Variants in GREM2 observed in about 807,000 individuals in gnomAD.
GREM2 encodes gremlin-2.
In GREM2, 11 loss-of-function variants were observed where a neutral mutation model predicts 14.2. The observed-to-expected ratio is 0.78, with a 90% CI of 0.49 to 1.28. The LOEUF (loss-of-function observed/expected upper bound fraction) is 1.28. Ranked by LOEUF, GREM2 falls within the 50% of genes most tolerant of loss-of-function variation. GREM2 has a pLI of 0.00. For synonymous variants in GREM2, 98 were observed against 97.6 expected, an observed-to-expected ratio of 1.00 and a Z score of -0.02; for missense variants, 210 against 218.5, an observed-to-expected ratio of 0.96 and a Z score of 0.24.
intron 1 of GREM2, among the ~76,000 whole-genome samples, chr1:240,589,422 C>T (rs574714224): frequency 9.9e-5 from 14 of 141,722 alleles, no homozygotes; most frequent in Admixed American, 2.2e-4. Flanking sequence ...GCAACAAAAG[C>T]GAAACTCCAT....
At chr1:240,587,414 C>T (rs950037699) in intron 1 of GREM2, among the ~76,000 whole-genome samples, 1 of 150,656 alleles carries the variant, frequency 6.6e-6, no homozygotes, top group African/African-American at 2.4e-5. Flanking sequence ...CTCACCCTCG[C>T]AGGTTCAAGT....
chr1:240,493,731 A>T (rs1454233398), intron 1 of GREM2, among the ~76,000 whole-genome samples: 1 of 151,694 alleles, frequency 6.6e-6, no homozygotes, highest in Non-Finnish European at 1.5e-5. Context: ...GGATCTCACC[A>T]TGTTACCCAG....
intron 1 of GREM2, among the ~76,000 whole-genome samples, chr1:240,563,076 T>C (rs944629030): frequency 6.6e-6 from 1 of 150,576 alleles, no homozygotes; most frequent in African/African-American, 2.4e-5. Flanking sequence ...TATGTGTGTA[T>C]ATGTGAGTGT....
intron 1 of GREM2, among the ~76,000 whole-genome samples, chr1:240,599,988 G>A (rs1341707846): frequency 6.6e-6 from 1 of 152,128 alleles, no homozygotes; most frequent in Non-Finnish European, 1.5e-5. Context: ...CCCCAGTCTG[G>A]CACATATCCT....
At chr1:240,509,585 C>A (rs1193429215) in intron 1 of GREM2, among the ~76,000 whole-genome samples, 1 of 151,940 alleles carries the variant, frequency 6.6e-6, no homozygotes, top group African/African-American at 2.4e-5. Flanking sequence ...TCAGGCTGGT[C>A]TCGAACTCTC....
chr1:240,504,493 C>T (rs1428000834), intron 1 of GREM2, among the ~76,000 whole-genome samples: 1 of 152,098 alleles, frequency 6.6e-6, no homozygotes, highest in East Asian at 1.9e-4. Context: ...GAAGTGCCTA[C>T]AATAGAATGG....
At chr1:240,557,042 C>A (rs1300996694) in intron 1 of GREM2, among the ~76,000 whole-genome samples, 1 of 151,648 alleles carries the variant, frequency 6.6e-6, no homozygotes, top group Non-Finnish European at 1.5e-5. Context: ...TGGCGGTGTG[C>A]CCCTGTAGTC....
chr1:240,550,123 A>G (rs1304097985), intron 1 of GREM2: 3 of 152,170 alleles, frequency 2.0e-5, no homozygotes, highest in Admixed American at 6.5e-5. Flanking sequence ...CCCGGGTTCA[A>G]GCGATTCCCC....
At chr1:240,600,457 C>T (rs1246111565) in intron 1 of GREM2, among the ~76,000 whole-genome samples, 1 of 151,986 alleles carries the variant, frequency 6.6e-6, no homozygotes, top group Non-Finnish European at 1.5e-5. Context: ...CCGGTTTTTA[C>T]CTTGTGTTTT....
At chr1:240,600,940 C>T (rs1476623766) in intron 1 of GREM2, among the ~76,000 whole-genome samples, 1 of 152,190 alleles carries the variant, frequency 6.6e-6, no homozygotes, top group African/African-American at 2.4e-5. Flanking sequence ...TTGATTAGCT[C>T]TTCCTCCAAA....
chr1:240,604,021 C>T lies in GREM2; in HGVS notation c.-2+7863G>A, dbSNP rs765324605. Among the ~76,000 whole-genome samples the T allele has an allele frequency of 6.6e-5, 10 of 150,880 alleles. No homozygotes were observed. The East Asian group carries it at 9.9e-4, about 15-fold the overall frequency. On this transcript the variant is annotated intron_variant, in intron 1 of 1. Coordinates refer to ENST00000318160, the MANE Select transcript of GREM2 (RefSeq NM_022469.4). ...GGCCTTAACAGGCTTCCACTCACGGCGAGGGGTTAAGGGGAGGCAGGGGTG... is the reference window on the plus strand; with the variant it reads ...GGCCTTAACAGGCTTCCACTCACGGTGAGGGGTTAAGGGGAGGCAGGGGTG...
At position 240,540,492 on chromosome 1, in the gene GREM2, C is replaced by T. The variant is rs774305670; in HGVS notation, c.-1-47016G>A. ...TAAAACTGAACTGAGAGATTGTGTT[C>T]TAGTAAGACTGGAATCACTACCATT... On this transcript the variant is annotated intron_variant, in intron 1 of 1. Coordinates refer to ENST00000318160, the MANE Select transcript of GREM2 (RefSeq NM_022469.4). The surrounding 1 kb of genome is among the most constrained non-coding windows in gnomAD (Gnocchi z 4.2). Among the ~76,000 whole-genome samples, 20 of 151,916 alleles carry T rather than the reference C, an allele frequency of 1.3e-4. No individual in the cohort carries two copies. The highest frequency in any genetic ancestry group is 2.8e-4 in the Non-Finnish European group (19 of 67,998).
intron 1 of GREM2, among the ~76,000 whole-genome samples, chr1:240,585,889 A>G (rs1274496099): frequency 1.3e-5 from 2 of 151,976 alleles, no homozygotes; most frequent in African/African-American, 4.8e-5. Flanking sequence ...AGGGAAAGGA[A>G]GCTTGTGCAT....
At chr1:240,562,753 ATGTG>A (rs1254705907) in intron 1 of GREM2, among the ~76,000 whole-genome samples, 7 of 150,196 alleles carry the variant, frequency 4.7e-5, no homozygotes, top group Admixed American at 1.3e-4. Context: ...GTGCACGCAT[ATGTG>A]TGTATGTATA....
Position 240,598,646 on chromosome 1 carries a change from T to A in GREM2, c.-2+13238A>T, listed in dbSNP as rs1043594436. On this transcript the variant is annotated intron_variant, in intron 1 of 1. Transcript: ENST00000318160. ...CTTGGTATTAGGAGTTAGTTTTTTTTATCTTCCCTGGCCTAATTACTCAAA... is the reference window on the plus strand; with the variant it reads ...CTTGGTATTAGGAGTTAGTTTTTTTAATCTTCCCTGGCCTAATTACTCAAA... Among the ~76,000 whole-genome samples the A allele has an allele frequency of 4.6e-5, 7 of 152,182 alleles. No homozygotes were observed. In the South Asian group the frequency reaches 8.3e-4, roughly 18 times the overall value.
intron 1 of GREM2, among the ~76,000 whole-genome samples, chr1:240,545,926 C>T (rs939074487): frequency 6.6e-6 from 1 of 152,130 alleles, no homozygotes; most frequent in South Asian, 2.1e-4. Flanking sequence ...CCAAGTAATG[C>T]AGATTAGTTA....
chr1:240,562,536 C>T (rs56731865), intron 1 of GREM2, among the ~76,000 whole-genome samples: 5,136 of 152,192 alleles, frequency 0.034, 274 homozygotes, highest in African/African-American at 0.12. Flanking sequence ...CACCTTTCAC[C>T]GAAGGTGTAA....
intron 1 of GREM2, among the ~76,000 whole-genome samples, chr1:240,532,859 A>G (rs533462775): frequency 1.3e-5 from 2 of 152,344 alleles, no homozygotes; most frequent in Non-Finnish European, 2.9e-5. Flanking sequence ...GAACCTGGGC[A>G]CTTTACTGGC....
Position 240,493,157 on chromosome 1 carries a change from G to A in GREM2, c.319C>T (p.Pro107Ser). 1 of 1,614,222 alleles carries A rather than the reference G, an allele frequency of 6.2e-7. No individual in the cohort carries two copies. Among genetic ancestry groups the A allele is most frequent in the South Asian group, 1.1e-5 (1 of 91,090 alleles). Residue 107 changes from proline to serine, a missense_variant, in exon 2 of 2, where the codon CCG becomes TCG. Pro to Ser is a moderately conservative substitution (Grantham distance 74). Transcript: ENST00000318160. ...TCCTCCTCCTTCTTCACGTGCCGCGGGATGTAGAAGGAGTTGCACTGGCCG... is the reference window on the plus strand; with the variant it reads ...TCCTCCTCCTTCTTCACGTGCCGCGAGATGTAGAAGGAGTTGCACTGGCCG... ...CYGQCNSFYI[P>S]RHVKKEEESF...
Sources: gnomAD v4.1 joint callset for allele counts (sites outside exome capture counted in the v4.1 genomes callset) on GRCh38, gnomAD v4.1.1 for gene constraint, Gnocchi (gnomAD v3.1) non-coding constraint, MANE v1.5 for transcripts, NCBI Gene and HGNC (gene_info 2026-07-23, HGNC 2026-07-21) for gene names.